The following RBMS3 variants were observed in gnomAD, a reference collection of about 807,000 sequenced individuals.
RBMS3 encodes the protein RNA binding motif single stranded interacting protein 3.
In RBMS3, 27 loss-of-function variants were observed where a neutral mutation model predicts 66.8. The observed-to-expected ratio is 0.40, with a 90% CI of 0.30 to 0.56. The LOEUF (loss-of-function observed/expected upper bound fraction) is 0.56. Ranked by LOEUF, RBMS3 falls within the 20% of genes least tolerant of loss-of-function variation. RBMS3 has a pLI of 0.40. For missense variants in RBMS3, 513 were observed against 549.5 expected (o/e 0.93, Z 0.66); for synonymous variants, 188 against 183.0 (o/e 1.03, Z -0.22).
chr3:29,532,979 T>A (rs1348265658), intron 3 of RBMS3, among the ~76,000 whole-genome samples: 1 of 152,214 alleles, frequency 6.6e-6, no homozygotes, highest in Non-Finnish European at 1.5e-5. Context: ...ATAGATCTTT[T>A]TTTTTAGGTA....
At chr3:29,616,588 A>G (rs963281166) in intron 4 of RBMS3, 4 of 152,262 alleles carry the variant, frequency 2.6e-5, no homozygotes, top group Non-Finnish European at 1.5e-5. Context: ...GTCACCCCCA[A>G]ATGATTCCTT....
At chr3:29,696,174 T>C (rs1294728719) in intron 4 of RBMS3, among the ~76,000 whole-genome samples, 2 of 152,202 alleles carry the variant, frequency 1.3e-5, no homozygotes, top group East Asian at 3.9e-4. Flanking sequence ...CAAGCAATCC[T>C]GGCTTCCAAG....
chr3:29,943,396 A>G (rs990972850), intron 11 of RBMS3, among the ~76,000 whole-genome samples: 1 of 151,808 alleles, frequency 6.6e-6, no homozygotes, highest in Non-Finnish European at 1.5e-5. Context: ...CCATATTCCA[A>G]TCTCCTTTTT....
chr3:29,721,576 A>G (rs533140532), intron 4 of RBMS3, among the ~76,000 whole-genome samples: 1 of 152,236 alleles, frequency 6.6e-6, no homozygotes, highest in East Asian at 1.9e-4. Flanking sequence ...TGAGGGGAAA[A>G]CTGCCCTGTT....
chr3:29,994,700 G>A (rs1699104094), intron 14 of RBMS3, among the ~76,000 whole-genome samples: 1 of 152,194 alleles, frequency 6.6e-6, no homozygotes, highest in Admixed American at 6.5e-5. Flanking sequence ...CAACAGACCT[G>A]CAGCTGAGGA....
chr3:29,565,197 A>G (rs185094331), intron 3 of RBMS3, among the ~76,000 whole-genome samples: 1 of 152,190 alleles, frequency 6.6e-6, no homozygotes. Flanking sequence ...CCAAACGTTT[A>G]TCTTGTATAT....
intron 1 of RBMS3, among the ~76,000 whole-genome samples, chr3:29,381,198 G>A (rs1353630520): frequency 6.6e-6 from 1 of 152,142 alleles, no homozygotes; most frequent in Non-Finnish European, 1.5e-5. Context: ...TTGACAAGTA[G>A]TAGATTGGGT....
At chr3:29,552,726 G>T (rs2046217043) in intron 3 of RBMS3, among the ~76,000 whole-genome samples, 1 of 152,242 alleles carries the variant, frequency 6.6e-6, no homozygotes, top group African/African-American at 2.4e-5. Flanking sequence ...GAAGGGTTTT[G>T]TTAATCCCTA....
intron 3 of RBMS3, among the ~76,000 whole-genome samples, chr3:29,545,115 A>G (rs2045905340): frequency 6.6e-6 from 1 of 152,176 alleles, no homozygotes; most frequent in Non-Finnish European, 1.5e-5. Flanking sequence ...TCAATAAGAA[A>G]TAAATTATGT....
At chr3:29,741,249 G>T (rs1201585482) in intron 5 of RBMS3, among the ~76,000 whole-genome samples, 1 of 152,140 alleles carries the variant, frequency 6.6e-6, no homozygotes, top group African/African-American at 2.4e-5. Context: ...TTGATGATTT[G>T]AATAGAAATA....
intron 9 of RBMS3, among the ~76,000 whole-genome samples, chr3:29,898,203 C>G (rs1456426843): frequency 6.6e-6 from 1 of 151,662 alleles, no homozygotes; most frequent in Non-Finnish European, 1.5e-5. Flanking sequence ...TTAATCTCCT[C>G]TCTACCTAAT....
At chr3:29,563,395 C>T (rs968930296) in intron 3 of RBMS3, among the ~76,000 whole-genome samples, 1 of 152,146 alleles carries the variant, frequency 6.6e-6, no homozygotes, top group Admixed American at 6.5e-5. Flanking sequence ...TGGGTCTGTT[C>T]ATTTATTCAA....
At chr3:29,451,533 A>C (rs1258990766) in intron 2 of RBMS3, among the ~76,000 whole-genome samples, 1 of 152,184 alleles carries the variant, frequency 6.6e-6, no homozygotes, top group East Asian at 1.9e-4. Flanking sequence ...TATTACCTAC[A>C]ATATCCTCAG....
intron 12 of RBMS3, among the ~76,000 whole-genome samples, chr3:29,955,274 T>C (rs890542726): frequency 6.6e-6 from 1 of 152,014 alleles, no homozygotes; most frequent in Non-Finnish European, 1.5e-5. Flanking sequence ...TTCTCATTCT[T>C]CTTCGCTTCT....
chr3:29,978,900 AGAGGCCAGAGGATACTT>A (rs1198301867), intron 12 of RBMS3, among the ~76,000 whole-genome samples: 1 of 152,078 alleles, frequency 6.6e-6, no homozygotes, highest in Non-Finnish European at 1.5e-5. Context: ...TTTGGGAGGC[AGAGGCCAGAGGATACTT>A]GAGGCCAGAA....
intron 4 of RBMS3, among the ~76,000 whole-genome samples, chr3:29,680,087 C>T (rs908336485): frequency 6.6e-6 from 1 of 152,224 alleles, no homozygotes; most frequent in African/African-American, 2.4e-5. Context: ...AAGGCTCAAG[C>T]CTTGAATACT....
chr3:29,415,878 G>C (rs933564344), intron 1 of RBMS3, among the ~76,000 whole-genome samples: 2 of 152,044 alleles, frequency 1.3e-5, no homozygotes, highest in African/African-American at 4.8e-5. Flanking sequence ...CATAATGTAG[G>C]ATGAAATTTT....
At chr3:29,394,143 A>G (rs1463048132) in intron 1 of RBMS3, among the ~76,000 whole-genome samples, 1 of 152,160 alleles carries the variant, frequency 6.6e-6, no homozygotes, top group South Asian at 2.1e-4. Flanking sequence ...CATAAGACAG[A>G]CACTCTCAGA....
chr3:29,661,063 G>A (rs559286287), intron 4 of RBMS3, among the ~76,000 whole-genome samples: 28 of 152,286 alleles, frequency 1.8e-4, no homozygotes, highest in South Asian at 1.0e-3. Context: ...AGGAGCATGC[G>A]TACAGCTACC....
Sources: gnomAD v4.1 joint callset for allele counts (sites outside exome capture counted in the v4.1 genomes callset) on GRCh38, gnomAD v4.1.1 for gene constraint, MANE v1.5 for transcripts, NCBI Gene and HGNC (gene_info 2026-07-23, HGNC 2026-07-21) for gene names.